The following SMTNL1 variants were observed in gnomAD, a reference collection of about 807,000 sequenced individuals.
SMTNL1 encodes the protein smoothelin-like protein 1.
Under a neutral mutation model 46.6 loss-of-function variants are expected in SMTNL1, and 41 were observed. The ratio of observed to expected loss-of-function variants is 0.88; its 90% CI spans 0.69 to 1.14. SMTNL1 has a LOEUF of 1.14. Ranked by LOEUF, SMTNL1 falls within the 50% of genes most tolerant of loss-of-function variation. SMTNL1 has a pLI of 0.00. For synonymous variants in SMTNL1, 234 were observed against 234.2 expected (o/e 1.00, Z 0.01); for missense variants, 591 against 626.1 (o/e 0.94, Z 0.60).
In SMTNL1 at chr11:57,545,896, C is replaced by T. The variant is rs751142882; in HGVS notation, c.933C>T (p.Ser311=). ...CTCCATATAGTGAGTCTTCACCCAG[C>T]GACGTGCCCCAGAGTCCCCCTGAGT... The part of the protein sequence containing the change: ...TSPSASESSP[S]DVPQSPPESP... Residue 311 remains serine, a synonymous_variant, in exon 5 of 8, where the codon AGC becomes AGT. Transcript: ENST00000527972. The T allele has an allele frequency of 7.4e-6, 12 of 1,612,928 alleles. No homozygotes were observed. The highest frequency in any genetic ancestry group is 4.5e-5 in the East Asian group (2 of 44,834).
intron 4 of SMTNL1, among the ~76,000 whole-genome samples, chr11:57,544,838 A>ATT (rs766314304): frequency 0.29 from 39,473 of 136,372 alleles, 5,838 homozygotes; most frequent in Non-Finnish European, 0.34. Context: ...TCCTCCCCCC[A>ATT]TTTTTTTTTT....
At chr11:57,542,114 AC>A (rs1453036101) in intron 1 of SMTNL1, among the ~76,000 whole-genome samples, 1,940 of 89,714 alleles carry the variant, frequency 0.022, 43 homozygotes, top group African/African-American at 0.089. Flanking sequence ...CAAAAAAAAA[AC>A]ACACACACAC....
In SMTNL1 at chr11:57,542,776, G is replaced by A; in HGVS notation, c.134G>A (p.Gly45Glu). 1 of 1,613,932 alleles carries A rather than the reference G, an allele frequency of 6.2e-7. No homozygotes were observed. Among genetic ancestry groups the A allele is most frequent in the Non-Finnish European group, 8.5e-7 (1 of 1,179,864 alleles). ...ACAGCTGGAAAGGCCATCAATGAGG[G>A]GCCTCCCACTGAGTCAGGAAAGCAG... ...KGTAGKAINE[G>E]PPTESGKQEK... The change falls in exon 2 of 8, where the codon GGG becomes GAG. Residue 45 changes from glycine (G) to glutamate (E), a missense_variant. Transcript: ENST00000527972.
chr11:57,539,136 G>A (rs1944853838), intron 1 of SMTNL1, among the ~76,000 whole-genome samples: 1 of 152,026 alleles, frequency 6.6e-6, no homozygotes, highest in Admixed American at 6.6e-5. Context: ...TTCACTTGAG[G>A]CCAAGAGTTT....
At chr11:57,544,254 C>A (rs533767975) in intron 4 of SMTNL1, among the ~76,000 whole-genome samples, 7 of 152,310 alleles carry the variant, frequency 4.6e-5, no homozygotes, top group South Asian at 4.1e-4. Context: ...GTGGTGGGCA[C>A]CTGTAATCCC....
In SMTNL1 at chr11:57,543,036, C is replaced by T; in HGVS notation, c.394C>T (p.Leu132=). The T allele has an allele frequency of 6.2e-7, 1 of 1,604,504 alleles. No homozygotes were observed. ...AGAGGCTGAGGAAAAGGAGAGCACG[C>T]TGGCCTCTGAGAAGCAGAAGGCTGA... ...PKEAEEKEST[L]ASEKQKAEEK... is the part of the protein sequence containing the mutation. The change falls in exon 2 of 8, where the codon CTG becomes TTG. Residue 132 remains leucine, a synonymous_variant. Transcript: ENST00000527972.
chr11:57,545,790 G>GCCCCC, intron 4 of SMTNL1, 91 bp from the exon 5 acceptor site: 1 of 1,239,928 alleles, frequency 8.1e-7, no homozygotes, highest in Non-Finnish European at 1.1e-6. Flanking sequence ...AGACTGCAGT[G>GCCCCC]CCACCCACCC....
In SMTNL1 at chr11:57,546,359, G is replaced by A; in HGVS notation, c.1188+12G>A. Reference sequence around the variant, plus strand: ...CAAAAAAATACGAGGTGGGCATGGGGCAGAGCTGCGTGGGTGGGGCAGGGG... The same window carrying A: ...CAAAAAAATACGAGGTGGGCATGGGACAGAGCTGCGTGGGTGGGGCAGGGG... On this transcript the variant is annotated intron_variant, in intron 6 of 7. Coordinates refer to ENST00000527972, the MANE Select transcript of SMTNL1 (RefSeq NM_001105565.3). 1 of 1,594,240 alleles carries A rather than the reference G, an allele frequency of 6.3e-7. No homozygotes were observed. The highest frequency in any genetic ancestry group is 2.3e-5 in the East Asian group (1 of 44,078).
chr11:57,544,718 G>A (rs1944908383), intron 4 of SMTNL1, among the ~76,000 whole-genome samples: 1 of 152,188 alleles, frequency 6.6e-6, no homozygotes. Flanking sequence ...AAGCACTTTA[G>A]CCCAGTGCCT....
rs1277648745 is a variant in SMTNL1, at chr11:57,542,933, G to A, written c.291G>A (p.Glu97=). The A allele has an allele frequency of 6.2e-7, 1 of 1,604,982 alleles. No homozygotes were observed. Among genetic ancestry groups the A allele is most frequent in the South Asian group, 1.1e-5 (1 of 89,464 alleles). Residue 97 remains glutamate (E), a synonymous_variant, in exon 2 of 8, where the codon GAG becomes GAA. Transcript: ENST00000527972. ...ATGCTGAGGCTGAACTTAAAAAGGA[G>A]GATGGTGAGAAGGAAGAGACCACTG... is the stretch of plus-strand genomic sequence containing the variant. The part of the protein sequence containing the change: ...KEDAEAELKK[E]DGEKEETTVG...
rs1944900794 is a variant in SMTNL1 at position 57,543,738 on chromosome 11, G to A, written c.847G>A (p.Gly283Arg). ...EEWPESPTGE[G>R]HNLSTDGLGP... is the part of the protein sequence containing the mutation. ...GTGGCCTGAGAGCCCCACTGGGGAG[G>A]GGCACAACCTCAGCACAGGTGAGTG... Residue 283 changes from glycine (G) to arginine (R), a missense_variant, in exon 3 of 8, where the codon GGG becomes AGG. Gly to Arg is a moderately radical substitution (Grantham distance 125). Coordinates refer to ENST00000527972, the MANE Select transcript of SMTNL1 (RefSeq NM_001105565.3). 1 of 1,563,028 alleles carries A rather than the reference G, an allele frequency of 6.4e-7. No individual in the cohort carries two copies. Among genetic ancestry groups the A allele is most frequent in the Non-Finnish European group, 8.7e-7 (1 of 1,153,732 alleles).
Position 57,541,501 on chromosome 11 carries a change from C to A in SMTNL1, c.-2-1140C>A, listed in dbSNP as rs1425963753. On this transcript the variant is annotated intron_variant, in intron 1 of 7. Transcript: ENST00000527972. ...CTCCGAGTTAAGATGTCATAATCTA[C>A]CCCCATGCTCCCGGGGGCAGTTGGA... is the stretch of plus-strand genomic sequence containing the variant. The A allele has an allele frequency of 6.6e-6, 9 of 1,367,180 alleles. No individual in the cohort carries two copies. In the African/African-American group the frequency reaches 1.0e-4, roughly 16 times the overall value. 84.7% of individuals were successfully genotyped at this position (1,367,180 alleles called of 1,614,324 possible). A position where few individuals can be genotyped will look rare whatever the true frequency, so the allele number is the denominator to read the frequency against.
Position 57,543,112 on chromosome 11 carries a change from G to C in SMTNL1, c.470G>C (p.Arg157Thr). ...GGGCAGAAAGCCGATGCCAATGACA[G>C]AGACAAGCCTGAACCTAAGGCAACA... The part of the protein sequence containing the change: ...ESGQKADAND[R>T]DKPEPKATVE... The change falls in exon 2 of 8, where the codon AGA (arginine) becomes ACA (threonine). Residue 157 changes from arginine (R) to threonine (T), a missense_variant. Arg to Thr is a moderately conservative substitution (Grantham distance 71). Transcript: ENST00000527972. The C allele has an allele frequency of 6.2e-7, 1 of 1,612,766 alleles. No individual in the cohort carries two copies. The highest frequency in any genetic ancestry group is 8.5e-7 in the Non-Finnish European group (1 of 1,179,330).
At chr11:57,546,988 G>A (rs536862335) in intron 7 of SMTNL1, among the ~76,000 whole-genome samples, 18 of 152,190 alleles carry the variant, frequency 1.2e-4, no homozygotes, top group Middle Eastern at 3.4e-3. Flanking sequence ...CAAAAAATTA[G>A]CTGGGTATGG....
chr11:57,543,192 G>C lies in SMTNL1; in HGVS notation c.550G>C (p.Glu184Gln), dbSNP rs1290983854. 5.6e-6 allele frequency: 9 copies of C among 1,613,944 alleles called. No individual in the cohort carries two copies. The highest frequency in any genetic ancestry group is 7.6e-6 in the Non-Finnish European group (9 of 1,179,856). The change falls in exon 2 of 8, where the codon GAG becomes CAG. Residue 184 changes from glutamate (E) to glutamine (Q), a missense_variant. Transcript: ENST00000527972. ...ASQEETGQRK[E>Q]CSTEPKEKAT... is the part of the protein sequence containing the mutation. ...TCAGGAGGAGACAGGCCAGAGGAAA[G>C]AGTGCAGCACTGAACCCAAGGAGAA...
At chr11:57,541,515 G>C (rs1375135782) in intron 1 of SMTNL1, 1 of 1,367,268 alleles carries the variant, frequency 7.3e-7, no homozygotes, top group African/African-American at 1.5e-5. Context: ...CATGCTCCCG[G>C]GGGCAGTTGG....
At chr11:57,549,942 G>C (rs1026353169) in intron 7 of SMTNL1, 26 bp from the exon 8 acceptor site, 1 of 1,612,564 alleles carries the variant, frequency 6.2e-7, no homozygotes, top group Non-Finnish European at 8.5e-7. Flanking sequence ...TTGACCTTCT[G>C]CTCCTCATTC....
Position 57,545,927 on chromosome 11 carries a change from T to A in SMTNL1, c.964T>A (p.Ser322Thr). The A allele has an allele frequency of 3.7e-6, 6 of 1,613,564 alleles. No individual in the cohort carries two copies. Among genetic ancestry groups the A allele is most frequent in the Non-Finnish European group, 5.1e-6 (6 of 1,179,708 alleles). The change falls in exon 5 of 8, where the codon TCC becomes ACC. Residue 322 changes from serine to threonine, a missense_variant. Coordinates refer to ENST00000527972, the MANE Select transcript of SMTNL1 (RefSeq NM_001105565.3). ...DVPQSPPESP[S>T]SGEKKEKAPE... Reference sequence around the variant, plus strand: ...GCCCCAGAGTCCCCCTGAGTCCCCTTCCTCAGGGGAGAAGAAGGAGAAGGC... The same window carrying A: ...GCCCCAGAGTCCCCCTGAGTCCCCTACCTCAGGGGAGAAGAAGGAGAAGGC...
intron 1 of SMTNL1, among the ~76,000 whole-genome samples, chr11:57,537,919 G>C (rs906684485): frequency 9.2e-5 from 14 of 152,194 alleles, no homozygotes; most frequent in African/African-American, 2.9e-4. Context: ...AACTGGGTTG[G>C]GGGGTAGACT....
Sources: gnomAD v4.1 joint callset for allele counts (sites outside exome capture counted in the v4.1 genomes callset) on GRCh38, gnomAD v4.1.1 for gene constraint, MANE v1.5 for transcripts, NCBI Gene and HGNC (gene_info 2026-07-23, HGNC 2026-07-21) for gene names.